Variants in EHMT2 observed in about 807,000 individuals in gnomAD.
EHMT2 encodes the protein euchromatic histone lysine methyltransferase 2.
In EHMT2, 59 loss-of-function variants were observed where a neutral mutation model predicts 143.3. The observed-to-expected ratio is 0.41, with a 90% CI of 0.33 to 0.51. The LOEUF (loss-of-function observed/expected upper bound fraction) is 0.51, where lower values mean the gene tolerates loss of function less well. EHMT2 is among the 20% of genes least tolerant of loss of function. The pLI, the probability that EHMT2 is intolerant of heterozygous loss-of-function variation, is 0.18. For missense variants in EHMT2, 1,174 were observed against 1,645.9 expected, an observed-to-expected ratio of 0.71 and a Z score of 4.96; for synonymous variants, 604 against 651.5, an observed-to-expected ratio of 0.93 and a Z score of 1.11.
chr6:31,896,384 A>G (rs1766437877), exon 4 of EHMT2: 13 of 1,612,976 alleles, frequency 8.1e-6, no homozygotes, highest in Non-Finnish European at 1.1e-5. Flanking sequence ...GGCTCCTGGC[A>G]TACTCAGTAG....
At chr6:31,893,922 C>A (rs937639130) in intron 4 of EHMT2, among the ~76,000 whole-genome samples, 1 of 152,112 alleles carries the variant, frequency 6.6e-6, no homozygotes, top group Admixed American at 6.5e-5. Flanking sequence ...CTGATGATTG[C>A]ACATGATGAA....
intron 4 of EHMT2, chr6:31,893,124 G>T: frequency 1.8e-6 from 1 of 556,994 alleles, no homozygotes; most frequent in Non-Finnish European, 3.2e-6. Context: ...ACCATGCAGA[G>T]CAGGCCCTTT....
chr6:31,887,925 C>T (rs753703893), exon 14 of EHMT2: 52 of 1,601,506 alleles, frequency 3.2e-5, no homozygotes, highest in South Asian at 5.5e-5. Flanking sequence ...GATCGCAGGG[C>T]GGGCGCCGGG....
intron 4 of EHMT2, 140 bp downstream of exon 4, chr6:31,896,123 G>A: frequency 1.6e-6 from 2 of 1,237,304 alleles, no homozygotes; most frequent in Non-Finnish European, 2.2e-6. Context: ...CACAGATCAA[G>A]CACAGCCTAA....
At chr6:31,892,552 A>G (rs1194772991) in exon 7 of EHMT2, 7 of 1,612,820 alleles carry the variant, frequency 4.3e-6, no homozygotes, top group Non-Finnish European at 4.2e-6. Context: ...GGCAGAACCT[A>G]ACTCCTCTGA....
intron 7 of EHMT2, among the ~76,000 whole-genome samples, chr6:31,891,817 G>C (rs1048455002): frequency 6.6e-5 from 10 of 151,584 alleles, no homozygotes; most frequent in African/African-American, 2.4e-4. Flanking sequence ...TTCTTTTTTT[G>C]TTTTCTTTTT....
At chr6:31,886,396 TGA>T in intron 18 of EHMT2, 183 bp downstream of exon 18, 1 of 606,816 alleles carries the variant, frequency 1.6e-6, no homozygotes, top group East Asian at 2.8e-5. Context: ...TTCTGAAACT[TGA>T]TAAAGAGAAA....
chr6:31,896,953 C>T (rs1766580996), exon 2 of EHMT2: 1 of 1,590,438 alleles, frequency 6.3e-7, no homozygotes, highest in Non-Finnish European at 8.5e-7. Context: ...GTTTCCTTCT[C>T]CAGCAGCAGC....
intron 4 of EHMT2, among the ~76,000 whole-genome samples, chr6:31,894,915 G>A (rs1348179772): frequency 2.0e-5 from 3 of 152,222 alleles, no homozygotes; most frequent in Non-Finnish European, 4.4e-5. Flanking sequence ...GCCTCTGAAA[G>A]TGTTGAGATT....
At position 31,888,371 on chromosome 6, in the gene EHMT2, A is replaced by C. The variant is rs1267295043; in HGVS notation, c.1501T>G (p.Cys501Gly). 6.2e-7 allele frequency: 1 copy of C among 1,612,686 alleles called. No individual in the cohort carries two copies. The highest frequency in any genetic ancestry group is 1.7e-5 in the Admixed American group (1 of 59,992). Residue 501 changes from cysteine to glycine, a missense_variant, in exon 12 of 28, where the codon TGC becomes GGC. Transcript: ENST00000375537. This position sits in a 1 kb window ranked among gnomAD's most constrained non-coding sequence, Gnocchi z 7.4. ...CCCCACTGGTCACTCACCGCCGTGC[A>C]GAAGTAGCCGCAGCCCGGGCAGCAG...
rs754706134 is a variant in EHMT2 at position 31,887,926 on chromosome 6, G to A, written c.1781C>T (p.Pro594Leu). 18 of 1,601,674 alleles carry A rather than the reference G, an allele frequency of 1.1e-5. No homozygotes were observed. The highest frequency in any genetic ancestry group is 4.4e-5 in the South Asian group (4 of 90,364). Residue 594 changes from proline (P) to leucine (L), a missense_variant, in exon 14 of 28, where the codon CCG becomes CTG. Coordinates refer to ENST00000375537, the Ensembl canonical transcript of EHMT2. ...GGTGTCAGCCAGGGGATCGCAGGGC[G>A]GGCGCCGGGGTTCCCCATGCCCTCG...
chr6:31,892,987 G>T, intron 4 of EHMT2, 77 bp from the exon 5 acceptor site: 1 of 948,776 alleles, frequency 1.1e-6, no homozygotes, highest in Non-Finnish European at 1.6e-6. Flanking sequence ...AGCCCCAGGC[G>T]GGGGTGGGGT....
At position 31,889,205 on chromosome 6, in the gene EHMT2, C is replaced by T. The variant is rs781372445; in HGVS notation, c.1114+23G>A. The stretch of plus-strand genomic sequence containing the variant: ...GGCCGGGCGGGGGCTGGAGGGCACC[C>T]AAAAGCAGCAGAGCCTCCTCACCTC... On this transcript the variant is annotated intron_variant, in intron 9 of 27. Coordinates refer to ENST00000375537, the Ensembl canonical transcript of EHMT2. The surrounding 1 kb of genome is among the most constrained non-coding windows in gnomAD (Gnocchi z 5.1). 3 of 1,588,830 alleles carry T rather than the reference C, an allele frequency of 1.9e-6. No individual in the cohort carries two copies. The highest frequency in any genetic ancestry group is 2.6e-6 in the Non-Finnish European group (3 of 1,168,532).
chr6:31,889,721 G>T lies in EHMT2; in HGVS notation c.865-119C>A. On this transcript the variant is annotated intron_variant, in intron 7 of 27. Coordinates refer to ENST00000375537, the Ensembl canonical transcript of EHMT2. This position sits in a 1 kb window ranked among gnomAD's most constrained non-coding sequence, Gnocchi z 5.1. ...ACCCACGGATGGCTGCTGGGGATAAGTGTGGGTAGCAGAGGAGACAAAGGG... is the reference window on the plus strand; with the variant it reads ...ACCCACGGATGGCTGCTGGGGATAATTGTGGGTAGCAGAGGAGACAAAGGG... The T allele has an allele frequency of 7.7e-7, 1 of 1,306,792 alleles. No homozygotes were observed. The highest frequency in any genetic ancestry group is 1.1e-6 in the Non-Finnish European group (1 of 925,914). The allele number at this position is 1,306,792 out of a possible 1,614,324, so 80.9% of individuals were successfully genotyped here. A position where few individuals can be genotyped will look rare whatever the true frequency, so the allele number is the denominator to read the frequency against.
chr6:31,896,324 G>C (rs766143897), exon 4 of EHMT2: 1 of 1,612,966 alleles, frequency 6.2e-7, no homozygotes, highest in South Asian at 1.1e-5. Flanking sequence ...CTGTCCCTCT[G>C]GGCTCGTGGT....
rs768549557 is a variant in EHMT2 at position 31,882,743 on chromosome 6, C to G, written c.3153G>C (p.Gly1051=). 5.6e-6 allele frequency: 9 copies of G among 1,612,670 alleles called. No individual in the cohort carries two copies. The Admixed American group carries it at 1.5e-4, about 27-fold the overall frequency. Residue 1051 remains glycine (G), a synonymous_variant, in exon 25 of 28, where the codon GGG becomes GGC. Coordinates refer to ENST00000375537, the Ensembl canonical transcript of EHMT2. ...GTGGGATGGTCTGCAGGGCGCGGACCCCCCAGCCCATCTTGGCTGTTCGGT... is the reference window on the plus strand; with the variant it reads ...GTGGGATGGTCTGCAGGGCGCGGACGCCCCAGCCCATCTTGGCTGTTCGGT...
Position 31,883,323 on chromosome 6 carries a change from A to T in EHMT2, c.2994+39T>A, listed in dbSNP as rs1174140007. 6.2e-7 allele frequency: 1 copy of T among 1,601,752 alleles called. No individual in the cohort carries two copies. Among genetic ancestry groups the T allele is most frequent in the East Asian group, 2.2e-5 (1 of 44,790 alleles). ...TATTGGAGGCTGGCTCCTCTGAAGGAGGGGCCGGGTGTCTGTGGCCAAGGC... is the reference window on the plus strand; with the variant it reads ...TATTGGAGGCTGGCTCCTCTGAAGGTGGGGCCGGGTGTCTGTGGCCAAGGC... On this transcript the variant is annotated intron_variant, in intron 23 of 27. Coordinates refer to ENST00000375537, the Ensembl canonical transcript of EHMT2. This position sits in a 1 kb window ranked among gnomAD's most constrained non-coding sequence, Gnocchi z 5.6.
chr6:31,885,874 G>A (rs1290397214), intron 18 of EHMT2: 1 of 152,152 alleles, frequency 6.6e-6, no homozygotes, highest in African/African-American at 2.4e-5. Context: ...GGCTCACGAG[G>A]TCAGGAGTTC....
In EHMT2 at chr6:31,880,117, G is replaced by C. The variant is rs757491948; in HGVS notation, c.3600C>G (p.Pro1200=). 6 of 1,612,798 alleles carry C rather than the reference G, an allele frequency of 3.7e-6. No individual in the cohort carries two copies. The highest frequency in any genetic ancestry group is 3.3e-5 in the South Asian group (3 of 91,060). The change falls in exon 28 of 28, where the codon CCC becomes CCG. Residue 1200 remains proline, a synonymous_variant. Coordinates refer to ENST00000375537, the Ensembl canonical transcript of EHMT2. This position sits in a 1 kb window ranked among gnomAD's most constrained non-coding sequence, Gnocchi z 6.6. ...TGACAGGGGGCAGGGAGCCGAGCTC[G>C]GGCAGCAGCTCAGGGTGTGGGTCCA...
Sources: allele counts gnomAD v4.1 joint callset (sites outside exome capture counted in the v4.1 genomes callset), GRCh38; gene constraint gnomAD v4.1.1; non-coding constraint Gnocchi (gnomAD v3.1); transcripts MANE v1.5; gene names NCBI Gene and HGNC (gene_info 2026-07-23, HGNC 2026-07-21).